The following SPAG16 variants were observed in gnomAD, a reference collection of about 807,000 sequenced individuals.
SPAG16 encodes the protein sperm associated antigen 16.
In SPAG16, 86 loss-of-function variants were observed where a neutral mutation model predicts 80.4. That is an observed-to-expected ratio of 1.07 (90% CI 0.90 to 1.28). The LOEUF is 1.28. Among genes scored for constraint, SPAG16 ranks in the 50% most tolerant of loss-of-function variants. The probability of loss-of-function intolerance (pLI) is 0.00; values close to 1 mark genes in which losing one functional copy is unlikely to be tolerated. For synonymous variants in SPAG16, 294 were observed against 265.9 expected, an observed-to-expected ratio of 1.11 and a Z score of -1.03; for missense variants, 870 against 765.3, an observed-to-expected ratio of 1.14 and a Z score of -1.61.
chr2:213,751,793 G>C (rs1211944861), intron 10 of SPAG16, among the ~76,000 whole-genome samples: 1 of 152,130 alleles, frequency 6.6e-6, no homozygotes, highest in African/African-American at 2.4e-5. Flanking sequence ...CCTGGTCACA[G>C]TGAGATACTT....
chr2:214,063,871 A>G (rs2125193638), intron 13 of SPAG16, among the ~76,000 whole-genome samples: 1 of 152,236 alleles, frequency 6.6e-6, no homozygotes, highest in African/African-American at 2.4e-5. Flanking sequence ...CTCTCCTCTC[A>G]CTGTAAACTC....
rs138398149 is a variant in SPAG16, at chr2:213,457,405, C to T, written c.943-32558C>T. Reference sequence around the variant, plus strand: ...CAGACTGTTCTGAAGTTCTAATTTTCGTGGTTTCTTGTACTTCACACTTTG... The same window carrying T: ...CAGACTGTTCTGAAGTTCTAATTTTTGTGGTTTCTTGTACTTCACACTTTG... On this transcript the variant is annotated intron_variant, in intron 9 of 15. Transcript: ENST00000331683. Among the ~76,000 whole-genome samples the T allele has an allele frequency of 3.5e-3, 538 of 152,200 alleles. 5 individuals are homozygous for T. The highest frequency in any genetic ancestry group is 0.012 in the African/African-American group (506 of 41,542).
intron 10 of SPAG16, among the ~76,000 whole-genome samples, chr2:213,789,256 A>T (rs1457606036): frequency 1.3e-5 from 2 of 151,980 alleles, no homozygotes; most frequent in Non-Finnish European, 2.9e-5. Context: ...TTGGGTTAAC[A>T]ACTTAGTAAG....
At chr2:213,528,465 T>C (rs1259004727) in intron 10 of SPAG16, among the ~76,000 whole-genome samples, 1 of 152,150 alleles carries the variant, frequency 6.6e-6, no homozygotes, top group African/African-American at 2.4e-5. Context: ...AACAGATGTG[T>C]GTGTGTGTTC....
At chr2:213,909,604 C>T (rs1017280765) in intron 11 of SPAG16, among the ~76,000 whole-genome samples, 4 of 151,942 alleles carry the variant, frequency 2.6e-5, no homozygotes, top group African/African-American at 9.7e-5. Context: ...TTTGACAAAC[C>T]TGACAAAAAC....
chr2:213,496,165 G>T (rs73988522), intron 10 of SPAG16, among the ~76,000 whole-genome samples: 13,195 of 152,162 alleles, frequency 0.087, 1,437 homozygotes, highest in African/African-American at 0.25. Context: ...TCCAAGAAAA[G>T]TATAAGGTTT....
At position 213,284,688 on chromosome 2, in the gene SPAG16, C is replaced by A. The variant is rs978963292; in HGVS notation, c.136+69C>A. 4 of 1,517,354 alleles carry A rather than the reference C, an allele frequency of 2.6e-6. No homozygotes were observed. In the Admixed American group the frequency reaches 8.6e-5, roughly 33 times the overall value. 94.0% of individuals were successfully genotyped at this position (1,517,354 alleles called of 1,614,324 possible). On this transcript the variant is annotated intron_variant, in intron 1 of 15. Coordinates refer to ENST00000331683, the MANE Select transcript of SPAG16 (RefSeq NM_024532.5). ...TGGGTGTTGGGACGAAGGCGAGGGCCTCCCACTGGCGGCGCCTTTTGAGCC... is the reference window on the plus strand; with the variant it reads ...TGGGTGTTGGGACGAAGGCGAGGGCATCCCACTGGCGGCGCCTTTTGAGCC...
intron 10 of SPAG16, among the ~76,000 whole-genome samples, chr2:213,535,858 T>C (rs2076227793): frequency 6.6e-6 from 1 of 152,144 alleles, no homozygotes; most frequent in Non-Finnish European, 1.5e-5. Context: ...ATGTAATAAA[T>C]GTCATGTGGA....
intron 10 of SPAG16, among the ~76,000 whole-genome samples, chr2:213,611,084 C>T (rs900234841): frequency 2.0e-5 from 3 of 152,164 alleles, no homozygotes; most frequent in African/African-American, 4.8e-5. Flanking sequence ...CTGGTTCGAA[C>T]GTCTCTGACA....
At chr2:214,149,774 A>G (rs1322599949) in intron 15 of SPAG16, among the ~76,000 whole-genome samples, 6 of 152,200 alleles carry the variant, frequency 3.9e-5, no homozygotes, top group African/African-American at 1.4e-4. Flanking sequence ...TGCATTCTAT[A>G]ATGTTATTAT....
chr2:214,350,346 G>A (rs1048994371), intron 15 of SPAG16, among the ~76,000 whole-genome samples: 4 of 152,050 alleles, frequency 2.6e-5, no homozygotes, highest in East Asian at 1.9e-4. Flanking sequence ...ACATGTCTCC[G>A]GGCTCTCTTC....
At chr2:213,584,849 G>GT (rs1425202564) in intron 10 of SPAG16, among the ~76,000 whole-genome samples, 1 of 152,122 alleles carries the variant, frequency 6.6e-6, no homozygotes, top group Non-Finnish European at 1.5e-5. Flanking sequence ...GCCTGGTGGT[G>GT]TGTTGGAGGA....
intron 10 of SPAG16, among the ~76,000 whole-genome samples, chr2:213,796,532 A>G (rs2125624569): frequency 6.6e-6 from 1 of 152,294 alleles, no homozygotes; most frequent in South Asian, 2.1e-4. Flanking sequence ...GTGCCACCTA[A>G]TACTTTGGTA....
intron 10 of SPAG16, among the ~76,000 whole-genome samples, chr2:213,847,051 A>C (rs1019029872): frequency 2.0e-5 from 3 of 152,136 alleles, no homozygotes; most frequent in African/African-American, 7.2e-5. Context: ...ATCCTGTTTC[A>C]TGACTCTTGC....
chr2:214,061,991 AC>A (rs1559748620), intron 13 of SPAG16, among the ~76,000 whole-genome samples: 7 of 143,844 alleles, frequency 4.9e-5, no homozygotes, highest in African/African-American at 1.9e-4. Context: ...GCACACACAC[AC>A]ACACACACAC....
At chr2:214,085,510 A>G (rs942414570) in intron 13 of SPAG16, among the ~76,000 whole-genome samples, 1 of 152,188 alleles carries the variant, frequency 6.6e-6, no homozygotes, top group African/African-American at 2.4e-5. Context: ...AACAACATGG[A>G]GTGAGAAAAA....
In SPAG16 at chr2:213,732,879, G is replaced by A. The variant is rs377220303; in HGVS notation, c.1071-129606G>A. On this transcript the variant is annotated intron_variant, in intron 10 of 15. Transcript: ENST00000331683. The stretch of plus-strand genomic sequence containing the variant: ...TTATAATAGGATTATTTCTATTTTT[G>A]TGTGTATATACCCAGTAATGGGATT... Among the ~76,000 whole-genome samples, 34 of 152,174 alleles carry A rather than the reference G, an allele frequency of 2.2e-4. 1 individual carries two copies. In the East Asian group the frequency reaches 6.2e-3, roughly 28 times the overall value.
Position 213,416,005 on chromosome 2 carries a change from A to G in SPAG16, c.942+40886A>G, listed in dbSNP as rs181745477. ...GTAATGAGAAAGATTGAACACAAAC[A>G]TGGAAGATTGTGAAGATGAGATGAT... On this transcript the variant is annotated intron_variant, in intron 9 of 15. Transcript: ENST00000331683. Among the ~76,000 whole-genome samples the G allele has an allele frequency of 5.9e-5, 9 of 152,360 alleles. No individual in the cohort carries two copies. In the East Asian group the frequency reaches 1.7e-3, roughly 29 times the overall value.
intron 9 of SPAG16, among the ~76,000 whole-genome samples, chr2:213,418,061 C>A (rs1290147866): frequency 6.6e-6 from 1 of 151,918 alleles, no homozygotes; most frequent in Non-Finnish European, 1.5e-5. Flanking sequence ...TTAGTAGACA[C>A]GATGTTTCAC....
Sources: allele counts gnomAD v4.1 joint callset (sites outside exome capture counted in the v4.1 genomes callset), GRCh38; gene constraint gnomAD v4.1.1; transcripts MANE v1.5; gene names NCBI Gene and HGNC (gene_info 2026-07-23, HGNC 2026-07-21).